The following RHOBTB2 variants were observed in gnomAD, a reference collection of about 807,000 sequenced individuals.
The protein encoded by RHOBTB2 is rho-related BTB domain-containing protein 2.
Under a neutral mutation model 66.5 loss-of-function variants are expected in RHOBTB2, and 39 were observed. The ratio of observed to expected loss-of-function variants is 0.59; its 90% CI spans 0.45 to 0.77. RHOBTB2 has a LOEUF of 0.77. RHOBTB2 is among the 30% of genes least tolerant of loss of function. The probability of loss-of-function intolerance (pLI) is 0.00; values close to 1 mark genes in which losing one functional copy is unlikely to be tolerated. For synonymous variants in RHOBTB2, 390 were observed against 395.0 expected (o/e 0.99, Z 0.15); for missense variants, 755 against 999.1 (o/e 0.76, Z 3.29).
upstream of RHOBTB2, chr8:22,987,345 C>G (rs1280211846): frequency 2.6e-5 from 4 of 152,424 alleles, no homozygotes; most frequent in Non-Finnish European, 5.9e-5. Context: ...CAGGGTTTAT[C>G]TCTGGGCTTT....
chr8:22,990,872 G>T (rs967299349), intron 1 of RHOBTB2, among the ~76,000 whole-genome samples: 3 of 152,078 alleles, frequency 2.0e-5, no homozygotes, highest in Non-Finnish European at 4.4e-5. Context: ...TGCCTCTCCA[G>T]TCCCTGCATC....
At chr8:22,996,824 G>C (rs1810581617), upstream of RHOBTB2, among the ~76,000 whole-genome samples, 1 of 152,094 alleles carries the variant, frequency 6.6e-6, no homozygotes. Flanking sequence ...TTGCTGGTGG[G>C]GAAGCCTGGC....
chr8:23,014,640 A>G (rs1811238451), intron 7 of RHOBTB2, 50 bp from the exon 8 acceptor site: 1 of 1,531,718 alleles, frequency 6.5e-7, no homozygotes, highest in Non-Finnish European at 9.0e-7. Flanking sequence ...GGGCAGGGTG[A>G]GCACAGGTCA....
intron 6 of RHOBTB2, among the ~76,000 whole-genome samples, chr8:23,008,410 C>T (rs1313915659): frequency 6.6e-6 from 1 of 152,068 alleles, no homozygotes; most frequent in East Asian, 1.9e-4. Flanking sequence ...GAAAGGGAGC[C>T]CCTGAGAAGT....
intron 1 of RHOBTB2, among the ~76,000 whole-genome samples, chr8:22,991,524 C>G (rs1292376001): frequency 6.6e-6 from 1 of 152,162 alleles, no homozygotes; most frequent in Non-Finnish European, 1.5e-5. Flanking sequence ...GAGCCCTGGA[C>G]AGTTGAGGGC....
At chr8:22,962,179 C>CAAAAAAA in the RHOBTB2 span, among the ~76,000 whole-genome samples, 3 of 13,834 alleles carry the variant, frequency 2.2e-4, no homozygotes, top group African/African-American at 2.5e-4. Flanking sequence ...AACGAATTTA[C>CAAAAAAA]AAAAAAAAAA....
chr8:23,006,472 G>T lies in RHOBTB2; in HGVS notation c.483-256G>T. 1.8e-6 allele frequency: 1 copy of T among 565,256 alleles called. No homozygotes were observed. The highest frequency in any genetic ancestry group is 3.1e-6 in the Non-Finnish European group (1 of 319,030). The allele number at this position is 565,256 out of a possible 1,614,324, so 35.0% of individuals were successfully genotyped here. On this transcript the variant is annotated intron_variant, in intron 4 of 9. Coordinates refer to ENST00000251822, the MANE Select transcript of RHOBTB2 (RefSeq NM_015178.3). The surrounding 1 kb of genome is among the most constrained non-coding windows in gnomAD (Gnocchi z 6.1). Reference sequence around the variant, plus strand: ...CCATGTGAAGCATTGCCTGCTAATTGCCAGAGAGGCAGTGCTGTCACGGCT... The same window carrying T: ...CCATGTGAAGCATTGCCTGCTAATTTCCAGAGAGGCAGTGCTGTCACGGCT...
Position 23,010,597 on chromosome 8 carries a change from C to T in RHOBTB2, c.1680C>T (p.Thr560=), listed in dbSNP as rs748360753. 27 of 1,614,006 alleles carry T rather than the reference C, an allele frequency of 1.7e-5. No individual in the cohort carries two copies. The highest frequency in any genetic ancestry group is 1.2e-4 in the South Asian group (11 of 91,086). ...GGGCCGTGCTGGAATACCTCTACACCGGCATGTTCACCTCCAGCCCCGACC... is the reference window on the plus strand; with the variant it reads ...GGGCCGTGCTGGAATACCTCTACACTGGCATGTTCACCTCCAGCCCCGACC... ...CMRAVLEYLY[T]GMFTSSPDLD... The change falls in exon 7 of 10, where the codon ACC becomes ACT. Residue 560 remains threonine (T), a synonymous_variant. Transcript: ENST00000251822.
At chr8:22,964,426 T>C in the RHOBTB2 span, among the ~76,000 whole-genome samples, 2 of 152,076 alleles carry the variant, frequency 1.3e-5, no homozygotes, top group African/African-American at 4.8e-5. Context: ...ATCAGAAAAA[T>C]ATACAGCGAC....
In RHOBTB2 at chr8:23,007,346, C is replaced by T. The variant is rs772408810; in HGVS notation, c.1101C>T (p.Ser367=). Residue 367 remains serine, a synonymous_variant, in exon 5 of 10, where the codon AGC becomes AGT. Transcript: ENST00000251822. ...CTGCTGGCCTCCGTGCTTCCACCAG[C>T]GACGGGATCTTACGGGGCAACGGAA... ...SGPAGLRAST[S]DGILRGNGTG... is the part of the protein sequence containing the mutation. 1.7e-5 allele frequency: 28 copies of T among 1,613,448 alleles called. No homozygotes were observed. The highest frequency in any genetic ancestry group is 2.2e-5 in the East Asian group (1 of 44,886).
intron 6 of RHOBTB2, among the ~76,000 whole-genome samples, chr8:23,009,486 G>T (rs980871958): frequency 2.0e-5 from 3 of 152,146 alleles, no homozygotes; most frequent in Non-Finnish European, 4.4e-5. Flanking sequence ...AACGAGGTTC[G>T]ACTTTGTGCA....
intron 6 of RHOBTB2, among the ~76,000 whole-genome samples, chr8:23,009,722 T>C (rs1182921756): frequency 6.6e-6 from 1 of 152,220 alleles, no homozygotes; most frequent in Non-Finnish European, 1.5e-5. Context: ...GGGAAGGAAG[T>C]ACTTAAGGAA....
the RHOBTB2 span, among the ~76,000 whole-genome samples, chr8:22,974,227 C>T: frequency 6.6e-6 from 1 of 152,164 alleles, no homozygotes; most frequent in Non-Finnish European, 1.5e-5. Flanking sequence ...AGACATCTGG[C>T]CCCGATTTCC....
chr8:22,984,210 A>G (rs192224276), upstream of RHOBTB2, among the ~76,000 whole-genome samples: 242 of 152,372 alleles, frequency 1.6e-3, no homozygotes, highest in African/African-American at 5.6e-3. Context: ...TAAACAGTAT[A>G]TAATTTTGGG....
rs966749430 is a variant in RHOBTB2, at chr8:22,999,572, G to T, written c.-544G>T. On this transcript the variant is annotated 5_prime_UTR_variant, in exon 1 of 10. Coordinates refer to ENST00000251822, the MANE Select transcript of RHOBTB2 (RefSeq NM_015178.3). ...CGGGGCCCGTCACGGCTGTCGTCTT[G>T]GGTGCGATTTTTTTCTCCTCCTTTT... 3.5e-5 allele frequency: 43 copies of T among 1,216,328 alleles called. No individual in the cohort carries two copies. Among genetic ancestry groups the T allele is most frequent in the Middle Eastern group, 3.6e-4 (1 of 2,790 alleles). The allele number at this position is 1,216,328 out of a possible 1,614,324, so 75.3% of individuals were successfully genotyped here. A position where few individuals can be genotyped will look rare whatever the true frequency, so the allele number is the denominator to read the frequency against.
the RHOBTB2 span, among the ~76,000 whole-genome samples, chr8:22,957,706 C>G: frequency 6.6e-6 from 1 of 152,218 alleles, no homozygotes; most frequent in East Asian, 1.9e-4. Flanking sequence ...CTCAAAATTA[C>G]AAAGTTTTCC....
chr8:22,955,958 G>T, the RHOBTB2 span, among the ~76,000 whole-genome samples: 1 of 152,174 alleles, frequency 6.6e-6, no homozygotes, highest in Admixed American at 6.5e-5. Flanking sequence ...AAAGGCAGAT[G>T]AAGAAGTTAA....
At chr8:22,998,546 C>G (rs909464573), upstream of RHOBTB2, among the ~76,000 whole-genome samples, 9 of 151,976 alleles carry the variant, frequency 5.9e-5, no homozygotes, top group African/African-American at 2.2e-4. Flanking sequence ...CCAGCCTGGC[C>G]AAGGTGGTGA....
chr8:22,994,885 C>G (rs547044591), upstream of RHOBTB2, among the ~76,000 whole-genome samples: 2 of 152,186 alleles, frequency 1.3e-5, no homozygotes, highest in Non-Finnish European at 2.9e-5. Flanking sequence ...CCTGCCTCAG[C>G]CTCCCGAGTA....
Sources: allele counts gnomAD v4.1 joint callset (sites outside exome capture counted in the v4.1 genomes callset), GRCh38; gene constraint gnomAD v4.1.1; non-coding constraint Gnocchi (gnomAD v3.1); transcripts MANE v1.5; gene names NCBI Gene and HGNC (gene_info 2026-07-23, HGNC 2026-07-21).